The following EFCAB11 variants were observed in gnomAD, a reference collection of about 807,000 sequenced individuals.
EFCAB11 encodes EF-hand calcium-binding domain-containing protein 11.
EFCAB11 carries 14 observed loss-of-function variants against 23.0 expected under a neutral mutation model. The ratio of observed to expected loss-of-function variants is 0.61; its 90% confidence interval spans 0.40 to 0.95. The LOEUF (loss-of-function observed/expected upper bound fraction) is 0.95. EFCAB11 is among the 40% of genes least tolerant of loss of function. EFCAB11 has a pLI of 0.00. For missense variants in EFCAB11, 198 were observed against 195.8 expected (o/e 1.01, Z -0.07); for synonymous variants, 65 against 66.6 (o/e 0.98, Z 0.11).
intron 5 of EFCAB11, among the ~76,000 whole-genome samples, chr14:89,818,229 G>A (rs1474505731): frequency 6.6e-6 from 1 of 152,150 alleles, no homozygotes; most frequent in Admixed American, 6.5e-5. Flanking sequence ...TTAAGTAAAT[G>A]TTCAACTTGC....
At chr14:89,908,464 T>C (rs1889564368) in intron 5 of EFCAB11, among the ~76,000 whole-genome samples, 1 of 152,196 alleles carries the variant, frequency 6.6e-6, no homozygotes, top group East Asian at 1.9e-4. Context: ...ACATAAGTAT[T>C]TAAGACAAAC....
At chr14:89,939,477 G>A (rs1490110614) in intron 3 of EFCAB11, among the ~76,000 whole-genome samples, 1 of 152,176 alleles carries the variant, frequency 6.6e-6, no homozygotes, top group African/African-American at 2.4e-5. Context: ...TCTACACAGA[G>A]AGCACAGCAC....
rs1408403766 is a variant in EFCAB11 at position 89,795,984 on chromosome 14, C to G, written c.*1259G>C. On this transcript the variant is annotated 3_prime_UTR_variant, in exon 6 of 6. Transcript: ENST00000316738. ...AGGCAAGGCATGGGGAACGTGAACA[C>G]ACATGGCTAAGTGTCTGGGTGCAGG... 3 of 152,238 alleles carry G rather than the reference C, an allele frequency of 2.0e-5. No homozygotes were observed. Among genetic ancestry groups the G allele is most frequent in the Non-Finnish European group, 2.9e-5 (2 of 68,082 alleles). 9.4% of individuals were successfully genotyped at this position (152,238 alleles called of 1,614,324 possible). A position where few individuals can be genotyped will look rare whatever the true frequency, so the allele number is the denominator to read the frequency against.
chr14:89,895,569 TAAAC>T (rs2140195092), intron 5 of EFCAB11, among the ~76,000 whole-genome samples: 1 of 152,210 alleles, frequency 6.6e-6, no homozygotes, highest in East Asian at 1.9e-4. Context: ...GCACATTCAA[TAAAC>T]AAAGCTGAAA....
At chr14:89,879,155 G>T (rs1888529168) in intron 5 of EFCAB11, among the ~76,000 whole-genome samples, 1 of 151,396 alleles carries the variant, frequency 6.6e-6, no homozygotes, top group Non-Finnish European at 1.5e-5. Flanking sequence ...TTTTTGTTAA[G>T]CTCTGGTGGA....
At chr14:89,886,208 C>CT (rs1888767322) in intron 5 of EFCAB11, among the ~76,000 whole-genome samples, 1 of 152,108 alleles carries the variant, frequency 6.6e-6, no homozygotes, top group African/African-American at 2.4e-5. Flanking sequence ...AGATGAGGCC[C>CT]TCTCACCTTA....
chr14:89,919,175 T>A (rs1889942449), intron 5 of EFCAB11, among the ~76,000 whole-genome samples: 1 of 148,186 alleles, frequency 6.7e-6, no homozygotes, highest in Non-Finnish European at 1.5e-5. Flanking sequence ...TTCTCAGACA[T>A]CACACTTGAT....
Position 89,878,560 on chromosome 14 carries a change from A to T in EFCAB11, c.410+52981T>A, listed in dbSNP as rs371744148. ...TAAATCATTTTTATAGATTTGTTTT[A>T]TCATACTGTATTAAAATATATTTTC... On this transcript the variant is annotated intron_variant, in intron 5 of 5. Coordinates refer to ENST00000316738, the MANE Select transcript of EFCAB11 (RefSeq NM_145231.4). Among the ~76,000 whole-genome samples, 318 of 152,310 alleles carry T rather than the reference A, an allele frequency of 2.1e-3. 1 individual carries two copies. Among genetic ancestry groups the T allele is most frequent in the African/African-American group, 7.3e-3 (302 of 41,582 alleles).
chr14:89,912,236 T>TA (rs547913700), intron 5 of EFCAB11, among the ~76,000 whole-genome samples: 4 of 150,146 alleles, frequency 2.7e-5, no homozygotes, highest in Non-Finnish European at 4.5e-5. Context: ...TACTCCCACT[T>TA]AAAAAAAAAA....
chr14:89,890,013 C>T (rs1033444208), intron 5 of EFCAB11, among the ~76,000 whole-genome samples: 29 of 152,160 alleles, frequency 1.9e-4, no homozygotes, highest in African/African-American at 4.3e-4. Flanking sequence ...TCAAATCTAG[C>T]GTTGGCCCTT....
chr14:89,838,323 G>A (rs1402834871), intron 5 of EFCAB11, among the ~76,000 whole-genome samples: 4 of 151,942 alleles, frequency 2.6e-5, no homozygotes, highest in Non-Finnish European at 5.9e-5. Flanking sequence ...GGAACCAACT[G>A]AAAGTCTTAG....
intron 5 of EFCAB11, among the ~76,000 whole-genome samples, chr14:89,839,100 T>G (rs1390770379): frequency 1.3e-5 from 2 of 151,656 alleles, no homozygotes; most frequent in Non-Finnish European, 2.9e-5. Flanking sequence ...ATCAGAAGAG[T>G]AGGGTCTACA....
intron 5 of EFCAB11, among the ~76,000 whole-genome samples, chr14:89,840,235 C>T (rs910702653): frequency 2.6e-5 from 4 of 152,122 alleles, no homozygotes; most frequent in African/African-American, 9.7e-5. Flanking sequence ...GTCTTAAATA[C>T]AATAAATATT....
chr14:89,827,641 T>G (rs1379231791), intron 5 of EFCAB11, among the ~76,000 whole-genome samples: 2 of 149,304 alleles, frequency 1.3e-5, no homozygotes, highest in South Asian at 4.3e-4. Context: ...TTTTTTTTTT[T>G]TTTTTTTTTG....
chr14:89,825,421 G>GAAGA (rs1886656737), intron 5 of EFCAB11, among the ~76,000 whole-genome samples: 1 of 151,856 alleles, frequency 6.6e-6, no homozygotes, highest in Non-Finnish European at 1.5e-5. Flanking sequence ...TCCACCTTAA[G>GAAGA]AAGACAGAAA....
chr14:89,944,575 C>T (rs1206020411), intron 3 of EFCAB11, among the ~76,000 whole-genome samples: 1 of 151,970 alleles, frequency 6.6e-6, no homozygotes, highest in East Asian at 1.9e-4. Flanking sequence ...AATCCTTTTG[C>T]CAGAAAACAA....
chr14:89,836,773 C>A, intron 5 of EFCAB11: 1 of 413,080 alleles, frequency 2.4e-6, no homozygotes, highest in Admixed American at 2.6e-5. Flanking sequence ...AATCCCAGCA[C>A]TTTGGGAGGC....
At chr14:89,951,506 C>G (rs1365836300) in intron 2 of EFCAB11, among the ~76,000 whole-genome samples, 4 of 152,038 alleles carry the variant, frequency 2.6e-5, no homozygotes, top group Admixed American at 6.6e-5. Context: ...AGTTTTATGT[C>G]TTTCTATATT....
intron 5 of EFCAB11, among the ~76,000 whole-genome samples, chr14:89,847,920 T>A (rs1161444202): frequency 2.0e-5 from 3 of 152,194 alleles, no homozygotes; most frequent in African/African-American, 7.2e-5. Flanking sequence ...ATATCACTAA[T>A]ACCTACCTAT....
Sources: gnomAD v4.1 joint callset for allele counts (sites outside exome capture counted in the v4.1 genomes callset) on GRCh38, gnomAD v4.1.1 for gene constraint, MANE v1.5 for transcripts, NCBI Gene and HGNC (gene_info 2026-07-23, HGNC 2026-07-21) for gene names.